Variants in HMBOX1 observed in about 807,000 individuals in gnomAD.
HMBOX1 encodes the protein homeobox containing 1.
HMBOX1 carries 14 observed loss-of-function variants against 54.5 expected under a neutral mutation model. The ratio of observed to expected loss-of-function variants is 0.26; its 90% CI spans 0.17 to 0.40. The LOEUF (loss-of-function observed/expected upper bound fraction) is 0.40, where lower values mean the gene tolerates loss of function less well. Among genes scored for constraint, HMBOX1 ranks in the 10% least tolerant of loss-of-function variants. The pLI, the probability that HMBOX1 is intolerant of heterozygous loss-of-function variation, is 1.00. For synonymous variants in HMBOX1, 160 were observed against 181.0 expected (o/e 0.88, Z 0.93); for missense variants, 332 against 514.4 (o/e 0.65, Z 3.43).
At chr8:28,974,003 G>A (rs557523132) in intron 3 of HMBOX1, among the ~76,000 whole-genome samples, 7 of 151,670 alleles carry the variant, frequency 4.6e-5, no homozygotes, top group African/African-American at 9.7e-5. Flanking sequence ...TAGTAGAGAC[G>A]GGATTTTACC....
chr8:29,049,571 C>T (rs1806131196), intron 9 of HMBOX1: 3 of 796,700 alleles, frequency 3.8e-6, no homozygotes, highest in African/African-American at 1.7e-5. Flanking sequence ...CTCTGGCACA[C>T]TGACACATGC....
intron 1 of HMBOX1, among the ~76,000 whole-genome samples, chr8:28,894,544 C>G (rs1811696540): frequency 6.6e-6 from 1 of 152,168 alleles, no homozygotes; most frequent in African/African-American, 2.4e-5. Flanking sequence ...AAAGTTTTCT[C>G]AAAATATTAG....
chr8:28,945,927 A>G (rs1822356275), intron 1 of HMBOX1, among the ~76,000 whole-genome samples: 2 of 151,630 alleles, frequency 1.3e-5, no homozygotes, highest in Admixed American at 1.3e-4. Flanking sequence ...ACCATCATCA[A>G]ATCCATAGGG....
intron 4 of HMBOX1, among the ~76,000 whole-genome samples, chr8:29,007,992 T>C (rs953541518): frequency 2.6e-5 from 4 of 152,272 alleles, no homozygotes; most frequent in African/African-American, 7.2e-5. Context: ...TTTCTGATGC[T>C]AGAGGGTGTG....
chr8:29,048,803 T>A, intron 8 of HMBOX1, 151 bp from the exon 9 acceptor site: 1 of 618,070 alleles, frequency 1.6e-6, no homozygotes, highest in South Asian at 2.2e-5. Context: ...ATTTCATCCA[T>A]CTTACAGTCT....
At chr8:28,898,563 C>G (rs1287678452) in intron 1 of HMBOX1, among the ~76,000 whole-genome samples, 6 of 152,204 alleles carry the variant, frequency 3.9e-5, no homozygotes, top group Non-Finnish European at 7.3e-5. Flanking sequence ...AGAAGCTAGT[C>G]TCTCAAGCTC....
At chr8:29,023,535 T>C (rs917738715) in intron 6 of HMBOX1, among the ~76,000 whole-genome samples, 3 of 151,526 alleles carry the variant, frequency 2.0e-5, no homozygotes, top group East Asian at 1.9e-4. Context: ...CCTGAGTAGC[T>C]GGGACTACAG....
At chr8:28,996,252 TTATG>T (rs1209075310) in intron 4 of HMBOX1, among the ~76,000 whole-genome samples, 4 of 145,530 alleles carry the variant, frequency 2.7e-5, no homozygotes, top group Non-Finnish European at 6.2e-5. Context: ...GTTGAGTTCT[TTATG>T]TAAGTTCATA....
rs531959374 is a variant in HMBOX1, at chr8:28,945,251, A to G, written c.-57-18560A>G. Among the ~76,000 whole-genome samples the G allele has an allele frequency of 1.2e-4, 18 of 152,326 alleles. No individual in the cohort carries two copies. In the South Asian group the frequency reaches 2.1e-3, roughly 18 times the overall value. On this transcript the variant is annotated intron_variant, in intron 1 of 9. Transcript: ENST00000287701. ...TAGTTCTCATACTGATCCCTTGAGGAAGATATCATTGTCCACAATTTACAG... is the reference window on the plus strand; with the variant it reads ...TAGTTCTCATACTGATCCCTTGAGGGAGATATCATTGTCCACAATTTACAG...
chr8:28,900,787 A>C (rs1213372364), intron 1 of HMBOX1, among the ~76,000 whole-genome samples: 3 of 151,786 alleles, frequency 2.0e-5, no homozygotes, highest in Admixed American at 6.6e-5. Flanking sequence ...CTGGTAAGCG[A>C]GTTTTTTTTG....
chr8:29,006,032 A>G (rs1246083270), intron 4 of HMBOX1, among the ~76,000 whole-genome samples: 7 of 136,308 alleles, frequency 5.1e-5, no homozygotes, highest in African/African-American at 2.0e-4. Flanking sequence ...TCACTCTGTC[A>G]CCCAGGCTGG....
intron 4 of HMBOX1, among the ~76,000 whole-genome samples, chr8:29,003,628 A>T (rs1833015022): frequency 7.0e-6 from 1 of 143,396 alleles, no homozygotes; most frequent in Non-Finnish European, 1.5e-5. Context: ...GGATGGATTC[A>T]CACCAAATAA....
At chr8:28,903,158 T>C (rs547676174) in intron 1 of HMBOX1, among the ~76,000 whole-genome samples, 3 of 152,158 alleles carry the variant, frequency 2.0e-5, no homozygotes, top group South Asian at 2.1e-4. Context: ...CACACACATA[T>C]ACACAGAGAG....
Position 28,970,003 on chromosome 8 carries a change from C to A in HMBOX1, c.24-40C>A. The A allele has an allele frequency of 8.1e-7, 1 of 1,230,196 alleles. No homozygotes were observed. The highest frequency in any genetic ancestry group is 1.3e-5 in the South Asian group (1 of 74,522). 76.2% of individuals were successfully genotyped at this position (1,230,196 alleles called of 1,614,324 possible). A position where few individuals can be genotyped will look rare whatever the true frequency, so the allele number is the denominator to read the frequency against. On this transcript the variant is annotated intron_variant, in intron 2 of 9. Transcript: ENST00000287701. The surrounding 1 kb of genome is among the most constrained non-coding windows in gnomAD (Gnocchi z 4.3). Reference sequence around the variant, plus strand: ...TGTATAATATGTGCTTTGGTAGATACTGTCAATAAAGAGACTTCTTTTTAT... The same window carrying A: ...TGTATAATATGTGCTTTGGTAGATAATGTCAATAAAGAGACTTCTTTTTAT...
chr8:28,927,333 T>C (rs1225692856), intron 1 of HMBOX1, among the ~76,000 whole-genome samples: 1 of 152,168 alleles, frequency 6.6e-6, no homozygotes, highest in Admixed American at 6.5e-5. Flanking sequence ...TTTTAGTCCA[T>C]TTGTGTTACT....
intron 1 of HMBOX1, among the ~76,000 whole-genome samples, chr8:28,921,191 C>T (rs1037009467): frequency 6.6e-6 from 1 of 152,090 alleles, no homozygotes; most frequent in African/African-American, 2.4e-5. Flanking sequence ...AAAAATTAGC[C>T]AGGTGGTAGT....
At chr8:29,018,196 C>G (rs1352206371) in intron 5 of HMBOX1, among the ~76,000 whole-genome samples, 5 of 152,134 alleles carry the variant, frequency 3.3e-5, no homozygotes, top group Admixed American at 2.6e-4. Flanking sequence ...TAGCCTAGAG[C>G]AAGCCACTTG....
intron 5 of HMBOX1, among the ~76,000 whole-genome samples, chr8:29,013,449 A>G (rs1439359891): frequency 6.6e-6 from 1 of 152,092 alleles, no homozygotes; most frequent in East Asian, 1.9e-4. Flanking sequence ...TCTTTTTTTC[A>G]ACCTCTTCAG....
chr8:28,946,996 A>G (rs1822584939), intron 1 of HMBOX1, among the ~76,000 whole-genome samples: 1 of 152,208 alleles, frequency 6.6e-6, no homozygotes, highest in Non-Finnish European at 1.5e-5. Context: ...AATTGAGATA[A>G]ACCCTTGTCA....
Sources: allele counts gnomAD v4.1 joint callset (sites outside exome capture counted in the v4.1 genomes callset), GRCh38; gene constraint gnomAD v4.1.1; non-coding constraint Gnocchi (gnomAD v3.1); transcripts MANE v1.5; gene names NCBI Gene and HGNC (gene_info 2026-07-23, HGNC 2026-07-21).